Variants in FMNL2 observed in about 807,000 individuals in gnomAD.
FMNL2 encodes formin like 2.
In FMNL2, 51 loss-of-function variants were observed where a neutral mutation model predicts 130.2. That is an observed-to-expected ratio of 0.39 (90% CI 0.31 to 0.49). FMNL2 has a LOEUF of 0.49. Ranked by LOEUF, FMNL2 falls within the 20% of genes least tolerant of loss-of-function variation. The pLI is 0.85. For missense variants in FMNL2, 977 were observed against 1,316.2 expected (o/e 0.74, Z 3.99); for synonymous variants, 465 against 467.1 (o/e 1.00, Z 0.06).
At chr2:152,565,105 G>A (rs960600977) in intron 6 of FMNL2, among the ~76,000 whole-genome samples, 1 of 152,170 alleles carries the variant, frequency 6.6e-6, no homozygotes, top group Non-Finnish European at 1.5e-5. Context: ...GCACATATGT[G>A]CACATCAGAT....
intron 1 of FMNL2, among the ~76,000 whole-genome samples, chr2:152,391,908 GTTTTTT>G (rs10584642): frequency 9.0e-6 from 1 of 111,106 alleles, no homozygotes; most frequent in African/African-American, 3.1e-5. Context: ...GCTAGAAGTT[GTTTTTT>G]TTTTTTTTTT....
At chr2:152,574,391 G>A (rs1025788447) in intron 6 of FMNL2, among the ~76,000 whole-genome samples, 9 of 132,924 alleles carry the variant, frequency 6.8e-5, no homozygotes, top group South Asian at 2.3e-4. Context: ...AGCTGAGGTC[G>A]TGCCACTGCA....
chr2:152,430,600 C>T (rs769970487), intron 1 of FMNL2, among the ~76,000 whole-genome samples: 19 of 152,196 alleles, frequency 1.2e-4, no homozygotes, highest in African/African-American at 4.6e-4. Context: ...AGGCCATGCA[C>T]GGTGGCTCAC....
chr2:152,546,279 G>A (rs1405443644), intron 3 of FMNL2, among the ~76,000 whole-genome samples: 4 of 152,140 alleles, frequency 2.6e-5, no homozygotes, highest in African/African-American at 9.7e-5. Context: ...TCTTTAGGCT[G>A]TACAGGAAGT....
chr2:152,488,981 G>A (rs1690990714), intron 1 of FMNL2, among the ~76,000 whole-genome samples: 1 of 152,192 alleles, frequency 6.6e-6, no homozygotes, highest in African/African-American at 2.4e-5. Context: ...TGAGGCAGGA[G>A]GATACCTTGA....
intron 1 of FMNL2, among the ~76,000 whole-genome samples, chr2:152,362,573 C>A (rs1288204571): frequency 6.6e-6 from 1 of 151,770 alleles, no homozygotes; most frequent in African/African-American, 2.4e-5. Context: ...TCGCCCCAGT[C>A]CCCCACCCCT....
At chr2:152,383,051 A>C (rs1438313186) in intron 1 of FMNL2, among the ~76,000 whole-genome samples, 1 of 152,204 alleles carries the variant, frequency 6.6e-6, no homozygotes, top group East Asian at 1.9e-4. Flanking sequence ...TTCAGTATAT[A>C]ATACTTGATA....
intron 10 of FMNL2, among the ~76,000 whole-genome samples, chr2:152,607,929 A>AG (rs1187666992): frequency 3.9e-5 from 6 of 151,986 alleles, no homozygotes; most frequent in Non-Finnish European, 7.4e-5. Context: ...TAATTCTGTG[A>AG]GGGTATAATC....
At chr2:152,409,413 T>G (rs1433696782) in intron 1 of FMNL2, among the ~76,000 whole-genome samples, 1 of 152,144 alleles carries the variant, frequency 6.6e-6, no homozygotes, top group African/African-American at 2.4e-5. Flanking sequence ...AAAACTAGTT[T>G]GAGAGCCCCT....
intron 2 of FMNL2, among the ~76,000 whole-genome samples, chr2:152,531,383 A>G (rs565258854): frequency 1.3e-5 from 2 of 152,328 alleles, no homozygotes; most frequent in South Asian, 2.1e-4. Context: ...TTGTTTGCTT[A>G]ATCATGGGAT....
At chr2:152,403,356 A>C (rs1229825703) in intron 1 of FMNL2, among the ~76,000 whole-genome samples, 1 of 152,128 alleles carries the variant, frequency 6.6e-6, no homozygotes. Context: ...GATCTATCTA[A>C]CTTATTTGGA....
intron 1 of FMNL2, among the ~76,000 whole-genome samples, chr2:152,461,504 A>T (rs1023179654): frequency 1.3e-5 from 2 of 152,194 alleles, no homozygotes; most frequent in African/African-American, 4.8e-5. Context: ...TTCACATACC[A>T]CATTTGTTCC....
intron 1 of FMNL2, among the ~76,000 whole-genome samples, chr2:152,413,509 G>A (rs1019648095): frequency 6.6e-6 from 1 of 152,160 alleles, no homozygotes; most frequent in Admixed American, 6.5e-5. Context: ...GTACTTGGAG[G>A]CTGGGGCATG....
intron 6 of FMNL2, among the ~76,000 whole-genome samples, chr2:152,565,386 A>G (rs1695778953): frequency 1.3e-5 from 2 of 152,136 alleles, no homozygotes; most frequent in African/African-American, 4.8e-5. Flanking sequence ...GCACAGCCCT[A>G]TATAAAGATC....
At chr2:152,405,714 A>G (rs1237349214) in intron 1 of FMNL2, among the ~76,000 whole-genome samples, 1 of 152,158 alleles carries the variant, frequency 6.6e-6, no homozygotes, top group Admixed American at 6.5e-5. Context: ...GTGACTTGAG[A>G]TCTAGAAACT....
chr2:152,627,403 T>C (rs1580131272), intron 17 of FMNL2, among the ~76,000 whole-genome samples: 1 of 152,236 alleles, frequency 6.6e-6, no homozygotes. Context: ...ATGAAGACAT[T>C]ATTAAATGTT....
At chr2:152,646,960 G>C (rs1177569263) in intron 25 of FMNL2, among the ~76,000 whole-genome samples, 2 of 152,110 alleles carry the variant, frequency 1.3e-5, no homozygotes, top group African/African-American at 4.8e-5. Context: ...ACTTCATCCT[G>C]ACAGAGCAAT....
chr2:152,380,865 T>C (rs1684424309), intron 1 of FMNL2, among the ~76,000 whole-genome samples: 1 of 152,102 alleles, frequency 6.6e-6, no homozygotes, highest in Non-Finnish European at 1.5e-5. Context: ...GTGGCGACAG[T>C]GAGATGAGAC....
At chr2:152,647,669 T>C in intron 25 of FMNL2, 127 bp from the exon 26 acceptor site, 1 of 796,736 alleles carries the variant, frequency 1.3e-6, no homozygotes, top group Admixed American at 1.8e-5. Context: ...GCTCAGTGAG[T>C]TTGAAGGGCC....
Sources: gnomAD v4.1 joint callset for allele counts (sites outside exome capture counted in the v4.1 genomes callset) on GRCh38, gnomAD v4.1.1 for gene constraint, MANE v1.5 for transcripts, NCBI Gene and HGNC (gene_info 2026-07-23, HGNC 2026-07-21) for gene names.